Variants in RARS2 observed in about 807,000 individuals in gnomAD.
RARS2 encodes probable arginine--tRNA ligase, mitochondrial.
Under a neutral mutation model 88.5 loss-of-function variants are expected in RARS2, and 67 were observed. The ratio of observed to expected loss-of-function variants is 0.76; its 90% confidence interval spans 0.62 to 0.93. RARS2 has a LOEUF of 0.93. Ranked by LOEUF, RARS2 falls within the 40% of genes least tolerant of loss-of-function variation. RARS2 has a pLI of 0.00. For synonymous variants in RARS2, 239 were observed against 230.3 expected (o/e 1.04, Z -0.34); for missense variants, 664 against 684.2 (o/e 0.97, Z 0.33).
chr6:87,514,515 A>T lies in RARS2; in HGVS notation c.1651-16T>A, dbSNP rs574732279. The T allele has an allele frequency of 5.8e-5, 92 of 1,573,562 alleles. No homozygotes were observed. The East Asian group carries it at 1.2e-3, about 20-fold the overall frequency. ...GAAGTCTGGCCTACAAAATAAATCA[A>T]AGAATGATTTAAAATATTCAGTAAC... On this transcript the variant is annotated splice_polypyrimidine_tract_variant and intron_variant, in intron 19 of 19. Transcript: ENST00000369536.
rs779295415 is a variant in RARS2, at chr6:87,518,669, G to C, written c.1376C>G (p.Thr459Arg). The change falls in exon 16 of 20, where the codon ACA becomes AGA. Residue 459 changes from threonine to arginine, a missense_variant. Transcript: ENST00000369536. ...GTGTGTGTACTGTAGGAAGACTCCT[G>C]TGTCCCCGCGACTCTGGAAAACACG... is the stretch of plus-strand genomic sequence containing the variant. ...WDRVFQSRGD[T>R]GVFLQYTHAR... The C allele has an allele frequency of 6.2e-7, 1 of 1,613,944 alleles. No homozygotes were observed. Among genetic ancestry groups the C allele is most frequent in the Admixed American group, 1.7e-5 (1 of 60,010 alleles).
At chr6:87,579,553 C>T (rs987952172) in intron 1 of RARS2, among the ~76,000 whole-genome samples, 7 of 151,704 alleles carry the variant, frequency 4.6e-5, no homozygotes. Context: ...GTTTAAGAAC[C>T]ACGGCTTAGG....
intron 11 of RARS2, among the ~76,000 whole-genome samples, chr6:87,523,195 A>G (rs996904762): frequency 2.0e-5 from 3 of 152,216 alleles, no homozygotes; most frequent in Admixed American, 6.5e-5. Flanking sequence ...AAAAAAGAAT[A>G]AGAAAAATTT....
chr6:87,567,952 T>C (rs978906237), intron 2 of RARS2, among the ~76,000 whole-genome samples: 1 of 152,164 alleles, frequency 6.6e-6, no homozygotes, highest in African/African-American at 2.4e-5. Flanking sequence ...TTTGTATTTC[T>C]AGTAGAGACG....
chr6:87,572,469 T>C (rs1770074849), intron 1 of RARS2, among the ~76,000 whole-genome samples: 1 of 152,178 alleles, frequency 6.6e-6, no homozygotes, highest in Non-Finnish European at 1.5e-5. Flanking sequence ...TGGGTAGCAA[T>C]AAAAAGGTTA....
rs1470446078 is a variant in RARS2 at position 87,589,964 on chromosome 6, C to T, written c.-7G>A. On this transcript the variant is annotated 5_prime_UTR_variant, in exon 1 of 20. Transcript: ENST00000369536. Reference sequence around the variant, plus strand: ...GGCGAAAGCCGCACGCCATGTCCACCTCTACGGAAGTGCGCCGCAGTCCGC... The same window carrying T: ...GGCGAAAGCCGCACGCCATGTCCACTTCTACGGAAGTGCGCCGCAGTCCGC... The T allele has an allele frequency of 1.9e-6, 3 of 1,614,260 alleles. No homozygotes were observed. The highest frequency in any genetic ancestry group is 1.1e-5 in the South Asian group (1 of 91,092).
chr6:87,553,984 C>T (rs1785071317), intron 5 of RARS2, among the ~76,000 whole-genome samples: 1 of 152,002 alleles, frequency 6.6e-6, no homozygotes, highest in Non-Finnish European at 1.5e-5. Context: ...TGCATAAAAC[C>T]CGCTCTTTCT....
At chr6:87,564,669 C>CA (rs1342305147) in intron 2 of RARS2, 1 of 255,822 alleles carries the variant, frequency 3.9e-6, no homozygotes, top group Admixed American at 5.1e-5. Flanking sequence ...AACTCTGTCT[C>CA]AAAAAAGTAA....
chr6:87,545,718 T>C lies in RARS2; in HGVS notation c.452-19A>G, dbSNP rs1398489880. 1 of 1,609,512 alleles carries C rather than the reference T, an allele frequency of 6.2e-7. No individual in the cohort carries two copies. The highest frequency in any genetic ancestry group is 1.7e-5 in the Admixed American group (1 of 59,902). ...AAATTTCCTAGTAATCAATAAAGTA[T>C]ATAGTTTCTCATTCTTGTTATCCAT... On this transcript the variant is annotated intron_variant, in intron 6 of 19. Coordinates refer to ENST00000369536, the MANE Select transcript of RARS2 (RefSeq NM_020320.5).
At chr6:87,587,866 G>T (rs1450995059) in intron 1 of RARS2, among the ~76,000 whole-genome samples, 1 of 152,072 alleles carries the variant, frequency 6.6e-6, no homozygotes, top group African/African-American at 2.4e-5. Flanking sequence ...AGCCACCTGG[G>T]CCCAAACGAT....
intron 7 of RARS2, among the ~76,000 whole-genome samples, chr6:87,542,968 A>AT (rs983857186): frequency 2.0e-5 from 3 of 149,984 alleles, no homozygotes; most frequent in African/African-American, 7.5e-5. Flanking sequence ...GTATAAAATA[A>AT]TAAAAAAAAA....
chr6:87,543,902 A>C (rs948814354), intron 7 of RARS2, among the ~76,000 whole-genome samples: 7 of 152,170 alleles, frequency 4.6e-5, no homozygotes, highest in African/African-American at 1.7e-4. Flanking sequence ...GTGTTCCAAA[A>C]CACAAAAATG....
chr6:87,518,503 A>C, intron 16 of RARS2, 127 bp downstream of exon 16: 1 of 1,274,052 alleles, frequency 7.8e-7, no homozygotes, highest in Non-Finnish European at 1.1e-6. Context: ...AAGAAGGTCT[A>C]CTCTAGTCAG....
chr6:87,575,072 T>G (rs112069154), intron 1 of RARS2, among the ~76,000 whole-genome samples: 1 of 151,514 alleles, frequency 6.6e-6, no homozygotes, highest in South Asian at 2.1e-4. Flanking sequence ...GTCATAAGGA[T>G]AGAGACAAAA....
chr6:87,528,925 A>G (rs1257751847), intron 10 of RARS2, among the ~76,000 whole-genome samples: 2 of 152,224 alleles, frequency 1.3e-5, no homozygotes. Context: ...AATTAACTTG[A>G]TTTCAACATT....
chr6:87,586,197 T>C (rs982399910), intron 1 of RARS2, among the ~76,000 whole-genome samples: 9 of 152,146 alleles, frequency 5.9e-5, no homozygotes, highest in African/African-American at 2.2e-4. Context: ...TAATGGGGGC[T>C]TGGTGTGGAA....
chr6:87,521,407 C>T lies in RARS2; in HGVS notation c.1035+57G>A. 2.2e-6 allele frequency: 3 copies of T among 1,345,812 alleles called. No homozygotes were observed. In the South Asian group the frequency reaches 3.6e-5, roughly 16 times the overall value. 83.4% of individuals were successfully genotyped at this position (1,345,812 alleles called of 1,614,324 possible). A position where few individuals can be genotyped will look rare whatever the true frequency, so the allele number is the denominator to read the frequency against. ...AGTTTTTCAACATGGCATCCAATTT[C>T]TACCTCTGTAGTTTTCATGAGTTAA... is the stretch of plus-strand genomic sequence containing the variant. On this transcript the variant is annotated intron_variant, in intron 12 of 19. Coordinates refer to ENST00000369536, the MANE Select transcript of RARS2 (RefSeq NM_020320.5).
At chr6:87,534,539 A>G (rs549330398) in intron 8 of RARS2, among the ~76,000 whole-genome samples, 1 of 152,366 alleles carries the variant, frequency 6.6e-6, no homozygotes, top group East Asian at 1.9e-4. Flanking sequence ...ATATTTACTC[A>G]GCTATTAATG....
At chr6:87,536,863 TAAAGAA>T (rs960115736) in intron 8 of RARS2, among the ~76,000 whole-genome samples, 4 of 152,024 alleles carry the variant, frequency 2.6e-5, no homozygotes, top group African/African-American at 9.7e-5. Flanking sequence ...TTAGAATAAT[TAAAGAA>T]AAAGTTTCAA....
Sources: gnomAD v4.1 joint callset for allele counts (sites outside exome capture counted in the v4.1 genomes callset) on GRCh38, gnomAD v4.1.1 for gene constraint, MANE v1.5 for transcripts, NCBI Gene and HGNC (gene_info 2026-07-23, HGNC 2026-07-21) for gene names.